Variants in ZNF69 observed in about 807,000 individuals in gnomAD.
ZNF69 encodes the protein ZNF3.
ZNF69 carries 47 observed loss-of-function variants against 50.9 expected under a neutral mutation model. The observed-to-expected ratio is 0.92, with a 90% CI of 0.73 to 1.18. The LOEUF (loss-of-function observed/expected upper bound fraction) is 1.18, where lower values mean the gene tolerates loss of function less well. ZNF69 is among the 50% of genes most tolerant of loss of function. ZNF69 has a pLI of 0.00. For missense variants in ZNF69, 717 were observed against 675.1 expected (o/e 1.06, Z -0.69); for synonymous variants, 216 against 223.1 (o/e 0.97, Z 0.29).
the ZNF69 span, among the ~76,000 whole-genome samples, chr19:11,935,130 G>C: frequency 2.0e-3 from 269 of 132,260 alleles, 4 homozygotes; most frequent in Middle Eastern, 0.011. Flanking sequence ...GGGCCGAGAT[G>C]GCACCACTGC....
the ZNF69 span, among the ~76,000 whole-genome samples, chr19:11,922,971 C>T: frequency 1.3e-5 from 2 of 152,030 alleles, no homozygotes; most frequent in Non-Finnish European, 2.9e-5. Context: ...CACCACCTCT[C>T]CTGGCTAATT....
the ZNF69 span, among the ~76,000 whole-genome samples, chr19:11,941,425 T>G: frequency 6.6e-6 from 1 of 152,150 alleles, no homozygotes; most frequent in Non-Finnish European, 1.5e-5. Flanking sequence ...GGGCTGCAGG[T>G]CCCGAGCCCT....
chr19:11,905,976 A>T lies in ZNF69; in HGVS notation c.1579A>T (p.Thr527Ser). ...SSSSFRYHERTHTGEKPYKCK... is the reference protein window; with the variant it reads ...SSSSFRYHERSHTGEKPYKCK... ...CAGTTCCTTTCGATACCATGAAAGG[A>T]CTCACACTGGAGAGAAACCCTATAA... is the stretch of plus-strand genomic sequence containing the variant. The change falls in exon 4 of 4, where the codon ACT (threonine) becomes TCT (serine). Residue 527 changes from threonine to serine, a missense_variant. Physicochemically the swap from Thr to Ser is moderately conservative, Grantham distance 58. Coordinates refer to ENST00000429654, the MANE Select transcript of ZNF69 (RefSeq NM_001364730.1). 1.2e-6 allele frequency: 2 copies of T among 1,614,056 alleles called. No individual in the cohort carries two copies. Among genetic ancestry groups the T allele is most frequent in the Non-Finnish European group, 8.5e-7 (1 of 1,180,012 alleles).
chr19:11,915,217 A>AC (rs1972511265), downstream of ZNF69, among the ~76,000 whole-genome samples: 1 of 152,186 alleles, frequency 6.6e-6, no homozygotes, highest in Non-Finnish European at 1.5e-5. Flanking sequence ...GAAGAAAAAA[A>AC]GAAAGAGTTG....
the ZNF69 span, chr19:11,925,113 C>A: frequency 1.4e-6 from 2 of 1,470,814 alleles, no homozygotes; most frequent in Non-Finnish European, 1.9e-6. Context: ...CTTTCCTCAC[C>A]TTCCTCGCTG....
At chr19:11,896,053 C>G (rs1977217635) in intron 1 of ZNF69, among the ~76,000 whole-genome samples, 1 of 151,744 alleles carries the variant, frequency 6.6e-6, no homozygotes, top group Non-Finnish European at 1.5e-5. Context: ...AACCCTGTCA[C>G]TACTAAAAGT....
chr19:11,940,437 C>G, the ZNF69 span, among the ~76,000 whole-genome samples: 1 of 151,876 alleles, frequency 6.6e-6, no homozygotes, highest in African/African-American at 2.4e-5. Context: ...GTCTCGCTGG[C>G]TCAGGAGTGA....
chr19:11,913,061 G>A (rs1437022951), intron 4 of ZNF69, among the ~76,000 whole-genome samples: 2 of 151,972 alleles, frequency 1.3e-5, no homozygotes, highest in Non-Finnish European at 2.9e-5. Flanking sequence ...GCCAGGCGTG[G>A]TGGTGGGTGC....
chr19:11,949,968 T>A, the ZNF69 span: 2 of 1,614,110 alleles, frequency 1.2e-6, no homozygotes, highest in Admixed American at 1.7e-5. Context: ...AGAAACCCTA[T>A]GAATGTAAGG....
the ZNF69 span, among the ~76,000 whole-genome samples, chr19:11,955,397 T>C: frequency 1.2e-4 from 12 of 104,260 alleles, no homozygotes; most frequent in African/African-American, 7.4e-4. Context: ...TCTTTCTTTC[T>C]TTTTTTTTTT....
At chr19:11,924,556 G>A in the ZNF69 span, among the ~76,000 whole-genome samples, 4 of 152,314 alleles carry the variant, frequency 2.6e-5, no homozygotes, top group East Asian at 5.8e-4. Flanking sequence ...GTTTACTTAG[G>A]TCAGAAACAA....
At chr19:11,937,243 G>A in the ZNF69 span, among the ~76,000 whole-genome samples, 2 of 152,140 alleles carry the variant, frequency 1.3e-5, no homozygotes, top group Admixed American at 6.5e-5. Flanking sequence ...TCATTAGGAG[G>A]TAGTTTTGTA....
At chr19:11,958,728 G>A in the ZNF69 span, among the ~76,000 whole-genome samples, 2 of 152,210 alleles carry the variant, frequency 1.3e-5, no homozygotes, top group South Asian at 4.1e-4. Flanking sequence ...GCTTGGGAAT[G>A]TGTAACTATT....
At chr19:11,941,647 G>T in the ZNF69 span, among the ~76,000 whole-genome samples, 3 of 152,232 alleles carry the variant, frequency 2.0e-5, no homozygotes, top group East Asian at 5.8e-4. Context: ...CAAGCGCCGC[G>T]CGCAGCCCCA....
intron 1 of ZNF69, among the ~76,000 whole-genome samples, chr19:11,902,401 T>C (rs1972266850): frequency 6.6e-6 from 1 of 152,156 alleles, no homozygotes; most frequent in Non-Finnish European, 1.5e-5. Flanking sequence ...TACTGCCACC[T>C]CAGGAAGGTG....
the ZNF69 span, chr19:11,925,374 G>C: frequency 5.2e-6 from 8 of 1,549,612 alleles, no homozygotes; most frequent in Non-Finnish European, 7.0e-6. Flanking sequence ...GGGCGACTCC[G>C]GGGTCTGGGA....
chr19:11,943,272 T>G, the ZNF69 span, among the ~76,000 whole-genome samples: 1 of 152,228 alleles, frequency 6.6e-6, no homozygotes, highest in Non-Finnish European at 1.5e-5. Context: ...CTTGATTATT[T>G]ATATGCAGAC....
chr19:11,901,567 C>A (rs982363737), intron 1 of ZNF69, among the ~76,000 whole-genome samples: 14 of 152,306 alleles, frequency 9.2e-5, no homozygotes, highest in African/African-American at 3.1e-4. Context: ...TCACTGCAAC[C>A]TCTGCCTCCC....
At chr19:11,927,461 A>AATAAATAG in the ZNF69 span, among the ~76,000 whole-genome samples, 1 of 149,688 alleles carries the variant, frequency 6.7e-6, no homozygotes, top group East Asian at 1.9e-4. Context: ...TAAATAAATA[A>AATAAATAG]ATAGAAAAGG....
Sources: allele counts gnomAD v4.1 joint callset (sites outside exome capture counted in the v4.1 genomes callset), GRCh38; gene constraint gnomAD v4.1.1; transcripts MANE v1.5; gene names NCBI Gene and HGNC (gene_info 2026-07-23, HGNC 2026-07-21).